EFNA5: variants seen among roughly 807,000 people sequenced by gnomAD.
EFNA5 encodes ephrin A5.
In EFNA5, 5 loss-of-function variants were observed where a neutral mutation model predicts 22.9. The observed-to-expected ratio is 0.22, with a 90% CI of 0.11 to 0.46. The LOEUF (loss-of-function observed/expected upper bound fraction) is 0.46. EFNA5 is among the 20% of genes least tolerant of loss of function. EFNA5 has a pLI of 0.99. For missense variants in EFNA5, 237 were observed against 293.3 expected (o/e 0.81, Z 1.40); for synonymous variants, 113 against 112.2 (o/e 1.01, Z -0.04).
intron 1 of EFNA5, among the ~76,000 whole-genome samples, chr5:107,432,089 C>T (rs955307599): frequency 2.0e-5 from 3 of 152,184 alleles, no homozygotes; most frequent in South Asian, 2.1e-4. Flanking sequence ...AGCATTGCAA[C>T]AAGGTGTCCC....
chr5:107,489,668 C>G (rs573218802), intron 1 of EFNA5, among the ~76,000 whole-genome samples: 1 of 150,886 alleles, frequency 6.6e-6, no homozygotes, highest in East Asian at 1.9e-4. Context: ...CTACCCCCCC[C>G]ACCAAGATCT....
intron 1 of EFNA5, among the ~76,000 whole-genome samples, chr5:107,571,386 T>C (rs1043252143): frequency 1.3e-5 from 2 of 152,140 alleles, no homozygotes; most frequent in Non-Finnish European, 2.9e-5. Flanking sequence ...ACTTTTCCTG[T>C]GCAGATGGCT....
In EFNA5 at chr5:107,427,408, C is replaced by A; in HGVS notation, c.227G>T (p.Arg76Leu). The part of the protein sequence containing the change: ...EDSVPEDKTE[R>L]YVLYMVNFDG... Reference sequence around the variant, plus strand: ...AAAGTTCACCATGTAGAGGACATAGCGCTCAGTCTTATCTTCTGGGACGGA... The same window carrying A: ...AAAGTTCACCATGTAGAGGACATAGAGCTCAGTCTTATCTTCTGGGACGGA... The change falls in exon 2 of 5, where the codon CGC becomes CTC. Residue 76 changes from arginine to leucine, a missense_variant. This residue lies in a region of EFNA5 where 120 missense variants were observed against 140.5 expected (regional missense o/e 0.85). Transcript: ENST00000333274. 6.2e-7 allele frequency: 1 copy of A among 1,614,042 alleles called. No homozygotes were observed. The highest frequency in any genetic ancestry group is 8.5e-7 in the Non-Finnish European group (1 of 1,180,006).
intron 1 of EFNA5, among the ~76,000 whole-genome samples, chr5:107,428,998 G>A (rs1181316360): frequency 6.6e-6 from 1 of 152,120 alleles, no homozygotes; most frequent in Non-Finnish European, 1.5e-5. Context: ...GTTCTTTCTA[G>A]TATAGTTCCC....
At chr5:107,476,645 T>C (rs538659903) in intron 1 of EFNA5, among the ~76,000 whole-genome samples, 15 of 152,298 alleles carry the variant, frequency 9.8e-5, no homozygotes, top group African/African-American at 3.1e-4. Context: ...CCTGTAATTT[T>C]ATGTATCAGG....
intron 1 of EFNA5, among the ~76,000 whole-genome samples, chr5:107,647,118 T>C (rs997311897): frequency 1.3e-5 from 2 of 152,138 alleles, no homozygotes; most frequent in Non-Finnish European, 2.9e-5. Flanking sequence ...AAATGAAATA[T>C]AGTTGATAAG....
At chr5:107,546,651 AACACACACACACAC>A (rs767896375) in intron 1 of EFNA5, among the ~76,000 whole-genome samples, 3 of 121,304 alleles carry the variant, frequency 2.5e-5, no homozygotes, top group Non-Finnish European at 5.3e-5. Flanking sequence ...TGGTGCGTAA[AACACACACACACAC>A]ACACACACAC....
At chr5:107,387,461 T>G in intron 3 of EFNA5, 146 bp from the exon 4 acceptor site, 1 of 629,192 alleles carries the variant, frequency 1.6e-6, no homozygotes, top group Non-Finnish European at 2.7e-6. Context: ...GCCAATATTG[T>G]TCCCATTTGC....
At chr5:107,610,440 A>G (rs1047789464) in intron 1 of EFNA5, among the ~76,000 whole-genome samples, 2 of 152,206 alleles carry the variant, frequency 1.3e-5, no homozygotes, top group Admixed American at 1.3e-4. Context: ...TAGTTTATAT[A>G]CTAATACAGC....
intron 1 of EFNA5, among the ~76,000 whole-genome samples, chr5:107,580,721 C>CAAAAAAAAAAAAAAAA (rs56868732): frequency 2.4e-5 from 2 of 83,684 alleles, no homozygotes; most frequent in African/African-American, 4.6e-5. Context: ...GACTCCATCT[C>CAAAAAAAAAAAAAAAA]AAAAAAAAAA....
At chr5:107,410,496 T>C (rs1748339629) in intron 2 of EFNA5, among the ~76,000 whole-genome samples, 1 of 152,164 alleles carries the variant, frequency 6.6e-6, no homozygotes, top group South Asian at 2.1e-4. Flanking sequence ...TAAATGTGAA[T>C]GGGATTTTGT....
chr5:107,421,610 G>T (rs1345982285), intron 2 of EFNA5, among the ~76,000 whole-genome samples: 1 of 152,150 alleles, frequency 6.6e-6, no homozygotes, highest in Non-Finnish European at 1.5e-5. Flanking sequence ...GCAGAAATAT[G>T]TTTAAAATTT....
At chr5:107,462,592 T>C (rs1009214398) in intron 1 of EFNA5, among the ~76,000 whole-genome samples, 4 of 152,100 alleles carry the variant, frequency 2.6e-5, no homozygotes, top group East Asian at 3.9e-4. Flanking sequence ...ACTAGTCCAA[T>C]GGAAACACTA....
rs552413615 is a variant in EFNA5 at position 107,475,461 on chromosome 5, T to C, written c.126-47952A>G. Among the ~76,000 whole-genome samples, 128 of 152,302 alleles carry C rather than the reference T, an allele frequency of 8.4e-4. 1 individual carries two copies. Among genetic ancestry groups the C allele is most frequent in the Non-Finnish European group, 9.9e-4 (67 of 68,018 alleles). On this transcript the variant is annotated intron_variant, in intron 1 of 4. Coordinates refer to ENST00000333274, the MANE Select transcript of EFNA5 (RefSeq NM_001962.3). The stretch of plus-strand genomic sequence containing the variant: ...AGAGAATGGTGGTTTATATGAACTT[T>C]TCAAGAAACTCAAGAGAAACAAAAT...
At chr5:107,502,934 T>C (rs915712039) in intron 1 of EFNA5, among the ~76,000 whole-genome samples, 2 of 152,180 alleles carry the variant, frequency 1.3e-5, no homozygotes, top group African/African-American at 4.8e-5. Context: ...AGTCAACAGA[T>C]GGTCTCTGGC....
At chr5:107,640,306 GAGA>G (rs1580575694) in intron 1 of EFNA5, among the ~76,000 whole-genome samples, 1 of 152,046 alleles carries the variant, frequency 6.6e-6, no homozygotes, top group South Asian at 2.1e-4. Context: ...CCAGAAGTAT[GAGA>G]AGAATACTCA....
At chr5:107,494,940 C>G (rs963350296) in intron 1 of EFNA5, among the ~76,000 whole-genome samples, 29 of 152,106 alleles carry the variant, frequency 1.9e-4, no homozygotes, top group Admixed American at 7.9e-4. Context: ...AGCTCTGTAT[C>G]TAGCTAATCT....
intron 1 of EFNA5, among the ~76,000 whole-genome samples, chr5:107,525,843 G>A (rs1439646915): frequency 1.3e-5 from 2 of 152,074 alleles, no homozygotes; most frequent in Admixed American, 1.3e-4. Flanking sequence ...AAATCCATGT[G>A]TAAATGAATT....
At chr5:107,468,651 G>A (rs528043641) in intron 1 of EFNA5, among the ~76,000 whole-genome samples, 26 of 152,276 alleles carry the variant, frequency 1.7e-4, no homozygotes, top group African/African-American at 6.0e-4. Context: ...CCTCACCAAT[G>A]TTGGCACTCT....
Sources: allele counts gnomAD v4.1 joint callset (sites outside exome capture counted in the v4.1 genomes callset), GRCh38; gene constraint gnomAD v4.1.1; regional missense constraint gnomAD v4.1.1; transcripts MANE v1.5; gene names NCBI Gene and HGNC (gene_info 2026-07-23, HGNC 2026-07-21).